ZEB1: variants seen among roughly 807,000 people sequenced by gnomAD.
ZEB1 encodes zinc finger E-box-binding homeobox 1.
ZEB1 carries 21 observed loss-of-function variants against 84.9 expected under a neutral mutation model. That is an observed-to-expected ratio of 0.25 (90% CI 0.18 to 0.36). ZEB1 has a LOEUF of 0.36. Ranked by LOEUF, ZEB1 falls within the 10% of genes least tolerant of loss-of-function variation. ZEB1 has a pLI of 1.00. For missense variants in ZEB1, 1,104 were observed against 1,330.2 expected (o/e 0.83, Z 2.65); for synonymous variants, 420 against 471.1 (o/e 0.89, Z 1.41).
intron 1 of ZEB1, among the ~76,000 whole-genome samples, chr10:31,460,481 G>C (rs1278720860): frequency 6.6e-6 from 1 of 152,008 alleles, no homozygotes; most frequent in African/African-American, 2.4e-5. Context: ...TATTTTGTTA[G>C]GAAAGATGGC....
At chr10:31,386,110 T>A (rs1590689237) in intron 1 of ZEB1, among the ~76,000 whole-genome samples, 1 of 152,140 alleles carries the variant, frequency 6.6e-6, no homozygotes, top group Middle Eastern at 3.4e-3. Flanking sequence ...ATCTACTCTC[T>A]ATGGATGAAA....
chr10:31,443,169 T>A (rs1389228116), intron 1 of ZEB1, among the ~76,000 whole-genome samples: 2 of 152,234 alleles, frequency 1.3e-5, no homozygotes, highest in African/African-American at 2.4e-5. Context: ...TTATTGGGCA[T>A]TCATTTTTGT....
rs575405620 is a variant in ZEB1 at position 31,394,910 on chromosome 10, T to G, written c.59-66127T>G. On this transcript the variant is annotated intron_variant, in intron 1 of 8. Coordinates refer to ENST00000424869, the MANE Select transcript of ZEB1 (RefSeq NM_001174096.2). ...AGAGGTGGGTATATAGAGAGATATT[T>G]ACAAGTTAGAACTTAATTGGATGAG... is the stretch of plus-strand genomic sequence containing the variant. Among the ~76,000 whole-genome samples the G allele has an allele frequency of 2.6e-5, 4 of 152,174 alleles. No individual in the cohort carries two copies. In the East Asian group the frequency reaches 5.8e-4, roughly 22 times the overall value.
At chr10:31,430,886 A>G (rs1208461452) in intron 1 of ZEB1, among the ~76,000 whole-genome samples, 1 of 152,228 alleles carries the variant, frequency 6.6e-6, no homozygotes, top group Non-Finnish European at 1.5e-5. Context: ...CTTCATTTAA[A>G]TAGCAGTTAT....
At chr10:31,319,060 G>A (rs1485026634), upstream of ZEB1, 2 of 654,714 alleles carry the variant, frequency 3.1e-6, no homozygotes, top group East Asian at 2.8e-5. Flanking sequence ...CTAGCAACAA[G>A]GTTCCGGCCG....
chr10:31,455,244 C>T (rs1591468619), intron 1 of ZEB1, among the ~76,000 whole-genome samples: 2 of 152,268 alleles, frequency 1.3e-5, no homozygotes, highest in East Asian at 3.9e-4. Context: ...CTTCCTTACA[C>T]TTTATACAAA....
intron 2 of ZEB1, among the ~76,000 whole-genome samples, chr10:31,467,490 C>T (rs2137713941): frequency 6.6e-6 from 1 of 152,292 alleles, no homozygotes; most frequent in South Asian, 2.1e-4. Context: ...CCTGCCAGTC[C>T]CTCCTAAGAT....
At chr10:31,510,900 C>T in intron 5 of ZEB1, 25 bp downstream of exon 5, 1 of 1,609,836 alleles carries the variant, frequency 6.2e-7, no homozygotes, top group African/African-American at 1.3e-5. Flanking sequence ...TGAGAGTTCA[C>T]TAACTTTCCA....
chr10:31,492,683 A>T (rs767857496), intron 2 of ZEB1, among the ~76,000 whole-genome samples: 3 of 151,920 alleles, frequency 2.0e-5, no homozygotes, highest in South Asian at 2.1e-4. Context: ...TTAGAAACAC[A>T]TGGGTGTGAA....
At chr10:31,439,956 A>T (rs1214429068) in intron 1 of ZEB1, among the ~76,000 whole-genome samples, 1 of 152,136 alleles carries the variant, frequency 6.6e-6, no homozygotes, top group Non-Finnish European at 1.5e-5. Context: ...CTGTGTTGAG[A>T]ACTGACTACA....
chr10:31,497,970 T>C (rs929269213), intron 3 of ZEB1, among the ~76,000 whole-genome samples: 1 of 150,696 alleles, frequency 6.6e-6, no homozygotes. Flanking sequence ...GATAGATAGA[T>C]AGATTTAAAA....
At chr10:31,320,698 T>C (rs1378133669) in intron 1 of ZEB1, 1 of 152,124 alleles carries the variant, frequency 6.6e-6, no homozygotes, top group Non-Finnish European at 1.5e-5. Flanking sequence ...GGAGAGACGT[T>C]GTAAGTTGAT....
rs1263636689 is a variant in ZEB1, at chr10:31,520,236, C to T, written c.904C>T (p.Arg302Ter). 1.9e-6 allele frequency: 3 copies of T among 1,613,856 alleles called. No individual in the cohort carries two copies. Among genetic ancestry groups the T allele is most frequent in the Non-Finnish European group, 2.5e-6 (3 of 1,179,892 alleles). Residue 302 changes from arginine to a stop codon, truncating the protein, a stop_gained, in exon 7 of 9, where the codon CGA becomes TGA. Coordinates refer to ENST00000424869, the MANE Select transcript of ZEB1 (RefSeq NM_001174096.2). LOFTEE classifies it high-confidence loss of function. This position sits in a 1 kb window ranked among gnomAD's most constrained non-coding sequence, Gnocchi z 5.1. ...TATCAGCTTGATACCTGTGAATGGG[C>T]GACCAAGAACAGGACTCAAGACATC... is the stretch of plus-strand genomic sequence containing the variant. ...KCISLIPVNG[R>*]PRTGLKTSQC...
rs986561032 is a variant in ZEB1, at chr10:31,526,727, T to C, written c.2841T>C (p.His947=). ...AAAAGGCATTTAAACACAAACATCA[T>C]TTGATTGAACACATGCGATTACATT... ...ICKKAFKHKH[H]LIEHMRLHSG... is the part of the protein sequence containing the mutation. Residue 947 remains histidine (H), a synonymous_variant, in exon 9 of 9, where the codon CAT becomes CAC. Transcript: ENST00000424869. The C allele has an allele frequency of 1.2e-6, 2 of 1,614,092 alleles. No individual in the cohort carries two copies. Among genetic ancestry groups the C allele is most frequent in the African/African-American group, 2.7e-5 (2 of 75,056 alleles).
chr10:31,338,689 A>G (rs756295799), intron 1 of ZEB1, among the ~76,000 whole-genome samples: 1 of 152,188 alleles, frequency 6.6e-6, no homozygotes, highest in Non-Finnish European at 1.5e-5. Context: ...TTTACTCTTC[A>G]ATGAATTTTG....
At chr10:31,380,446 CT>C (rs2134796745) in intron 1 of ZEB1, among the ~76,000 whole-genome samples, 1 of 152,244 alleles carries the variant, frequency 6.6e-6, no homozygotes, top group African/African-American at 2.4e-5. Context: ...CATATAATGT[CT>C]GCTTGTCATA....
intron 1 of ZEB1, among the ~76,000 whole-genome samples, chr10:31,379,996 A>G (rs117954545): frequency 1.6e-3 from 242 of 152,214 alleles, no homozygotes; most frequent in South Asian, 2.5e-3. Context: ...TAACCACCTC[A>G]TATTCTCTCT....
At chr10:31,460,958 C>G (rs943848328) in intron 1 of ZEB1, 79 bp from the exon 2 acceptor site, 12 of 1,155,632 alleles carry the variant, frequency 1.0e-5, no homozygotes, top group South Asian at 6.5e-5. Context: ...TTTTAAGCAT[C>G]TTTTTTATTT....
chr10:31,496,558 A>G (rs1389144167), intron 3 of ZEB1, among the ~76,000 whole-genome samples: 1 of 152,086 alleles, frequency 6.6e-6, no homozygotes, highest in Non-Finnish European at 1.5e-5. Context: ...GTTCCCTAAG[A>G]GAGCCAGAAC....
Sources: gnomAD v4.1 joint callset for allele counts (sites outside exome capture counted in the v4.1 genomes callset) on GRCh38, gnomAD v4.1.1 for gene constraint, Gnocchi (gnomAD v3.1) non-coding constraint, MANE v1.5 for transcripts, NCBI Gene and HGNC (gene_info 2026-07-23, HGNC 2026-07-21) for gene names.